Variants in MCM8 observed in about 807,000 individuals in gnomAD.
MCM8 encodes the protein minichromosome maintenance 8 homologous recombination repair factor.
MCM8 carries 85 observed loss-of-function variants against 98.9 expected under a neutral mutation model. The ratio of observed to expected loss-of-function variants is 0.86; its 90% confidence interval spans 0.72 to 1.03. The LOEUF is 1.03. Ranked by LOEUF, MCM8 falls within the 50% of genes least tolerant of loss-of-function variation. The pLI is 0.00. For synonymous variants in MCM8, 352 were observed against 338.6 expected (o/e 1.04, Z -0.44); for missense variants, 951 against 997.8 (o/e 0.95, Z 0.63).
chr20:5,960,664 G>A (rs1303310742), intron 7 of MCM8, among the ~76,000 whole-genome samples: 2 of 152,116 alleles, frequency 1.3e-5, no homozygotes, highest in African/African-American at 2.4e-5. Flanking sequence ...GGCTGGGCTT[G>A]GTGGCTCATG....
rs780108223 is a variant in MCM8 at position 5,994,341 on chromosome 20, G to A, written c.2473G>A (p.Gly825Ser). The A allele has an allele frequency of 3.1e-6, 5 of 1,608,942 alleles. No homozygotes were observed. Among genetic ancestry groups the A allele is most frequent in the Non-Finnish European group, 4.2e-6 (5 of 1,178,020 alleles). ...TTTTATTGGATCACTAAATGACCAG[G>A]GTTACCTCTTGAAAAAAGGCCCAAA... Reference protein sequence around the residue: ...ENFIGSLNDQGYLLKKGPKVY... With the variant: ...ENFIGSLNDQSYLLKKGPKVY... Residue 825 changes from glycine (G) to serine (S), a missense_variant, in exon 19 of 19, where the codon GGT (glycine) becomes AGT (serine). Gly to Ser is a moderately conservative substitution (Grantham distance 56). Coordinates refer to ENST00000610722, the MANE Select transcript of MCM8 (RefSeq NM_032485.6).
At chr20:5,962,352 C>CTTTTTTTTTTTTTTTTTTTTT (rs926577182) in intron 7 of MCM8, among the ~76,000 whole-genome samples, 1 of 40,580 alleles carries the variant, frequency 2.5e-5, no homozygotes, top group Non-Finnish European at 3.5e-5. Flanking sequence ...GCCTTCATTT[C>CTTTTTTTTTTTTTTTTTTTTT]TTTTTTTTTT....
Position 5,952,335 on chromosome 20 carries a change from TC to T in MCM8, c.149-88del, listed in dbSNP as rs1364162131. ...TTACTAAAACCCCTAATTTGGATAC[TC>T]TATTAATGAGAGTCTCATTTGGAAA... On this transcript the variant is annotated intron_variant, in intron 2 of 18. Transcript: ENST00000610722. The T allele has an allele frequency of 3.8e-6, 6 of 1,560,058 alleles. No individual in the cohort carries two copies. In the African/African-American group the frequency reaches 6.9e-5, roughly 18 times the overall value.
Position 5,975,739 on chromosome 20 carries a change from G to A in MCM8, c.1396-2137G>A, listed in dbSNP as rs571528364. On this transcript the variant is annotated intron_variant, in intron 12 of 18. Transcript: ENST00000610722. Reference sequence around the variant, plus strand: ...TCTCCATCTCCTGACCTTGTGATCCGCCCGCCTCAGCCTCCCAAAGTGCTG... The same window carrying A: ...TCTCCATCTCCTGACCTTGTGATCCACCCGCCTCAGCCTCCCAAAGTGCTG... Among the ~76,000 whole-genome samples the A allele has an allele frequency of 8.7e-5, 13 of 149,932 alleles. No individual in the cohort carries two copies. The South Asian group carries it at 1.7e-3, about 19-fold the overall frequency.
At position 5,994,480 on chromosome 20, in the gene MCM8, C is replaced by A; in HGVS notation, c.*89C>A. ...ATGCGTGCACGCACAGACAGACAGA[C>A]ACACACACACACACACACACACACA... is the stretch of plus-strand genomic sequence containing the variant. On this transcript the variant is annotated 3_prime_UTR_variant, in exon 19 of 19. Coordinates refer to ENST00000610722, the MANE Select transcript of MCM8 (RefSeq NM_032485.6). 1 of 152,458 alleles carries A rather than the reference C, an allele frequency of 6.6e-6. No individual in the cohort carries two copies. The allele number at this position is 152,458 out of a possible 1,614,324, so 9.4% of individuals were successfully genotyped here. A position where few individuals can be genotyped will look rare whatever the true frequency, so the allele number is the denominator to read the frequency against.
rs529647055 is a variant in MCM8 at position 5,952,594 on chromosome 20, C to T, written c.253+66C>T. On this transcript the variant is annotated intron_variant, in intron 3 of 18. Coordinates refer to ENST00000610722, the MANE Select transcript of MCM8 (RefSeq NM_032485.6). ...TTTCTTAACTTGTCTTTGGATGCTA[C>T]ATCTTGTATTACTGTAATTCATTTA... 4.4e-5 allele frequency: 56 copies of T among 1,271,938 alleles called. No homozygotes were observed. The East Asian group carries it at 1.3e-3, about 29-fold the overall frequency. The allele number at this position is 1,271,938 out of a possible 1,614,324, so 78.8% of individuals were successfully genotyped here.
At chr20:5,972,193 CTT>C (rs57845201) in intron 11 of MCM8, among the ~76,000 whole-genome samples, 156 bp downstream of exon 11, 1 of 144,314 alleles carries the variant, frequency 6.9e-6, no homozygotes. Flanking sequence ...CAAACTATAG[CTT>C]TTTTTTTTTT....
intron 1 of MCM8, among the ~76,000 whole-genome samples, chr20:5,951,699 A>G (rs901059478): frequency 2.0e-5 from 3 of 152,080 alleles, no homozygotes; most frequent in Non-Finnish European, 2.9e-5. Flanking sequence ...TACCTGTCCT[A>G]TTTTCATTTC....
At chr20:5,970,220 G>A (rs2089373543) in intron 10 of MCM8, among the ~76,000 whole-genome samples, 2 of 152,222 alleles carry the variant, frequency 1.3e-5, no homozygotes, top group Admixed American at 6.5e-5. Context: ...AGCCTGTGAA[G>A]CTGAAAATAC....
intron 8 of MCM8, among the ~76,000 whole-genome samples, chr20:5,963,929 A>G (rs906523854): frequency 2.6e-5 from 4 of 152,212 alleles, no homozygotes; most frequent in Non-Finnish European, 5.9e-5. Context: ...TTGATTTTAT[A>G]TCTCAATTAT....
chr20:5,967,551 A>T lies in MCM8; in HGVS notation c.991A>T (p.Ile331Phe). 6.2e-7 allele frequency: 1 copy of T among 1,613,476 alleles called. No individual in the cohort carries two copies. Among genetic ancestry groups the T allele is most frequent in the Admixed American group, 1.7e-5 (1 of 59,972 alleles). ...CTGTGTCCCGGGAGACACAGTGACTATTACTGGAATTGTCAAAGTCTCAAA... is the reference window on the plus strand; with the variant it reads ...CTGTGTCCCGGGAGACACAGTGACTTTTACTGGAATTGTCAAAGTCTCAAA... ...DSCVPGDTVTITGIVKVSNAE... is the reference protein window; with the variant it reads ...DSCVPGDTVTFTGIVKVSNAE... The change falls in exon 9 of 19, where the codon ATT becomes TTT. Residue 331 changes from isoleucine (I) to phenylalanine (F), a missense_variant. By Grantham distance (21) the Ile-to-Phe change is conservative. Coordinates refer to ENST00000610722, the MANE Select transcript of MCM8 (RefSeq NM_032485.6).
At chr20:5,956,748 G>A in intron 5 of MCM8, among the ~76,000 whole-genome samples, 1 of 151,962 alleles carries the variant, frequency 6.6e-6, no homozygotes, top group East Asian at 1.9e-4. Flanking sequence ...GTATTTTAAA[G>A]GTCATTTTTA....
At chr20:5,965,767 G>A (rs1207839001) in intron 8 of MCM8, among the ~76,000 whole-genome samples, 1 of 122,034 alleles carries the variant, frequency 8.2e-6, no homozygotes, top group African/African-American at 2.5e-5. Flanking sequence ...CTAAGTGCTG[G>A]TTTTACTTCT....
chr20:5,973,613 G>T (rs1242799829), intron 12 of MCM8, among the ~76,000 whole-genome samples: 1 of 152,096 alleles, frequency 6.6e-6, no homozygotes, highest in Non-Finnish European at 1.5e-5. Flanking sequence ...TAAAGGTGTG[G>T]GATCTGTCTG....
At chr20:5,952,318 A>G in intron 2 of MCM8, 106 bp from the exon 3 acceptor site, 2 of 1,553,300 alleles carry the variant, frequency 1.3e-6, no homozygotes, top group Non-Finnish European at 1.7e-6. Context: ...TTTTACTAAA[A>G]CCCCTAATTT....
In MCM8 at chr20:5,983,066, G is replaced by C; in HGVS notation, c.1634G>C (p.Gly545Ala). 6.2e-7 allele frequency: 1 copy of C among 1,614,162 alleles called. No individual in the cohort carries two copies. Among genetic ancestry groups the C allele is most frequent in the Non-Finnish European group, 8.5e-7 (1 of 1,180,006 alleles). Residue 545 changes from glycine to alanine, a missense_variant, in exon 14 of 19, where the codon GGT (glycine) becomes GCT (alanine). By Grantham distance (60) the Gly-to-Ala change is moderately conservative. Coordinates refer to ENST00000610722, the MANE Select transcript of MCM8 (RefSeq NM_032485.6). ...EQQSISLAKA[G>A]VVCSLPARTS... is the part of the protein sequence containing the mutation. ...CAAAGTATTAGTCTTGCTAAGGCTG[G>C]TGTGGTTTGTAGCCTTCCTGCAAGA...
At chr20:5,958,493 A>G (rs185748285) in intron 6 of MCM8, 35 bp from the exon 7 acceptor site, 36 of 1,545,992 alleles carry the variant, frequency 2.3e-5, no homozygotes, top group Non-Finnish European at 3.0e-5. Context: ...AAAAAACATC[A>G]ATTTTCTGTT....
chr20:5,994,319 T>C lies in MCM8; in HGVS notation c.2451T>C (p.Phe817=), dbSNP rs1180643909. The part of the protein sequence containing the change: ...LNIQVADFEN[F]IGSLNDQGYL... ...TCCAGGTTGCTGATTTTGAAAATTTTATTGGATCACTAAATGACCAGGGTT... is the reference window on the plus strand; with the variant it reads ...TCCAGGTTGCTGATTTTGAAAATTTCATTGGATCACTAAATGACCAGGGTT... The change falls in exon 19 of 19, where the codon TTT becomes TTC. Residue 817 remains phenylalanine (F), a synonymous_variant. Transcript: ENST00000610722. 2 of 1,600,944 alleles carry C rather than the reference T, an allele frequency of 1.2e-6. No homozygotes were observed. Among genetic ancestry groups the C allele is most frequent in the Non-Finnish European group, 1.7e-6 (2 of 1,175,274 alleles).
Position 5,973,039 on chromosome 20 carries a change from C to T in MCM8, c.1255-17C>T, listed in dbSNP as rs747046175. On this transcript the variant is annotated splice_polypyrimidine_tract_variant and intron_variant, in intron 11 of 18. Transcript: ENST00000610722. ...GTTTTCCTTACTTCTGTTTTTTGTT[C>T]TTTTTTCGCACTTGAGCTTGTTAAA... The T allele has an allele frequency of 1.2e-6, 2 of 1,609,476 alleles. No individual in the cohort carries two copies. Among genetic ancestry groups the T allele is most frequent in the Non-Finnish European group, 8.5e-7 (1 of 1,177,252 alleles).
Sources: allele counts gnomAD v4.1 joint callset (sites outside exome capture counted in the v4.1 genomes callset), GRCh38; gene constraint gnomAD v4.1.1; transcripts MANE v1.5; gene names NCBI Gene and HGNC (gene_info 2026-07-23, HGNC 2026-07-21).